The following MYO9A variants were observed in gnomAD, a reference collection of about 807,000 sequenced individuals.
MYO9A encodes the protein unconventional myosin-IXa.
MYO9A carries 103 observed loss-of-function variants against 293.3 expected under a neutral mutation model. The observed-to-expected ratio is 0.35, with a 90% CI of 0.30 to 0.41. The LOEUF is 0.41. MYO9A is among the 10% of genes least tolerant of loss of function. The pLI is 1.00. For synonymous variants in MYO9A, 1,001 were observed against 1,035.7 expected (o/e 0.97, Z 0.64); for missense variants, 2,685 against 3,033.0 (o/e 0.89, Z 2.69).
intron 33 of MYO9A, among the ~76,000 whole-genome samples, chr15:71,861,128 C>T (rs1355403590): frequency 6.6e-6 from 1 of 151,888 alleles, no homozygotes; most frequent in African/African-American, 2.4e-5. Context: ...TTCCTATTTT[C>T]AGACTCATTA....
intron 1 of MYO9A, among the ~76,000 whole-genome samples, chr15:72,056,275 A>C (rs2078716093): frequency 6.6e-6 from 1 of 152,206 alleles, no homozygotes; most frequent in African/African-American, 2.4e-5. Flanking sequence ...TATACAAAAA[A>C]AGATACTCCC....
At position 71,824,027 on chromosome 15, in the gene MYO9A, G is replaced by C. The variant is rs1217256550; in HGVS notation, c.*2553C>G. ...TTTAAGAGTTATGGCTTCATCTCTT[G>C]ATCAGGCCAACAAGGCCTACTACCC... On this transcript the variant is annotated 3_prime_UTR_variant, in exon 42 of 42. Coordinates refer to ENST00000356056, the MANE Select transcript of MYO9A (RefSeq NM_006901.4). 2.6e-5 allele frequency: 4 copies of C among 152,178 alleles called. No individual in the cohort carries two copies. The highest frequency in any genetic ancestry group is 1.3e-4 in the Admixed American group (2 of 15,278). The allele number at this position is 152,178 out of a possible 1,614,324, so 9.4% of individuals were successfully genotyped here.
chr15:71,883,853 A>G, intron 27 of MYO9A, 117 bp from the exon 28 acceptor site: 1 of 918,980 alleles, frequency 1.1e-6, no homozygotes, highest in Non-Finnish European at 1.5e-6. Context: ...TAAGCTTCAC[A>G]TTTAAATTAA....
In MYO9A at chr15:71,849,939, A is replaced by ATTTATGAACCCATTCACTAT. The variant is rs71281963; in HGVS notation, c.6713+77_6713+96dup. The ATTTATGAACCCATTCACTAT allele has an allele frequency of 0.2, 270,806 of 1,374,650 alleles. 30,435 individuals carry two copies. The highest frequency in any genetic ancestry group is 0.38 in the East Asian group (16,049 of 42,500). 85.2% of individuals were successfully genotyped at this position (1,374,650 alleles called of 1,614,324 possible). ...CAACAATCTTCTTAAAAACACCTGAATTTATGAACCCATTCACTATGTTTG... is the reference window on the plus strand; with the variant it reads ...CAACAATCTTCTTAAAAACACCTGAATTTATGAACCCATTCACTATTTTATGAACCCATTCACTATGTTTG... On this transcript the variant is annotated intron_variant, in intron 38 of 41. Transcript: ENST00000356056.
chr15:71,891,523 G>A (rs533404603), intron 26 of MYO9A: 13 of 152,192 alleles, frequency 8.5e-5, no homozygotes, highest in African/African-American at 1.2e-4. Flanking sequence ...ACATAATTTC[G>A]TATTTAACTG....
chr15:71,932,375 T>C (rs1490902134), intron 18 of MYO9A, among the ~76,000 whole-genome samples: 1 of 152,058 alleles, frequency 6.6e-6, no homozygotes, highest in Non-Finnish European at 1.5e-5. Context: ...AAGGCGGCTA[T>C]CCCTTGGGAG....
intron 15 of MYO9A, 104 bp from the exon 16 acceptor site, chr15:71,939,031 C>T (rs1409884238): frequency 3.9e-6 from 3 of 765,162 alleles, no homozygotes; most frequent in South Asian, 3.9e-5. Flanking sequence ...CGAGTATTTG[C>T]TAAATATTTC....
chr15:72,007,328 G>A (rs1566943663), intron 8 of MYO9A, among the ~76,000 whole-genome samples: 1 of 151,684 alleles, frequency 6.6e-6, no homozygotes, highest in Admixed American at 6.6e-5. Context: ...GGTAATAAAG[G>A]CCCTTGATGT....
chr15:71,980,049 T>C (rs1385133581), intron 11 of MYO9A, among the ~76,000 whole-genome samples: 1 of 152,100 alleles, frequency 6.6e-6, no homozygotes, highest in Non-Finnish European at 1.5e-5. Flanking sequence ...GGATCTCTCT[T>C]TGTTGCCCAG....
At chr15:72,106,832 A>C (rs2080586214) in intron 1 of MYO9A, among the ~76,000 whole-genome samples, 1 of 152,214 alleles carries the variant, frequency 6.6e-6, no homozygotes, top group Non-Finnish European at 1.5e-5. Flanking sequence ...TGCATATTAA[A>C]CTGGTAACAA....
chr15:71,953,523 G>A (rs952357924), intron 14 of MYO9A: 1 of 152,176 alleles, frequency 6.6e-6, no homozygotes, highest in Non-Finnish European at 1.5e-5. Flanking sequence ...TTATTATGTA[G>A]AGTTTTAAAA....
chr15:71,957,133 T>C (rs1296655781), intron 14 of MYO9A, among the ~76,000 whole-genome samples: 1 of 152,168 alleles, frequency 6.6e-6, no homozygotes, highest in Non-Finnish European at 1.5e-5. Flanking sequence ...CAAATACAAT[T>C]CTATATTTAA....
At position 71,878,198 on chromosome 15, in the gene MYO9A, G is replaced by A. The variant is rs778993736; in HGVS notation, c.5773C>T (p.Leu1925Phe). 3.7e-6 allele frequency: 6 copies of A among 1,600,064 alleles called. No homozygotes were observed. The highest frequency in any genetic ancestry group is 5.1e-6 in the Non-Finnish European group (6 of 1,175,564). Residue 1925 changes from leucine to phenylalanine, a missense_variant, in exon 31 of 42, where the codon CTC (leucine) becomes TTC (phenylalanine). This residue lies in a region of MYO9A where 1,434 missense variants were observed against 1,497.7 expected (regional missense o/e 0.96). Transcript: ENST00000356056. ...AGAATCTGTTCAAATAGTGCATAGAGGTCTTTATACCGTATGCTTTTCCCA... is the reference window on the plus strand; with the variant it reads ...AGAATCTGTTCAAATAGTGCATAGAAGTCTTTATACCGTATGCTTTTCCCA... ...DDGKSIRYKD[L>F]YALFEQILEK...
chr15:71,881,206 A>C (rs1223015596), intron 28 of MYO9A, among the ~76,000 whole-genome samples: 1 of 151,922 alleles, frequency 6.6e-6, no homozygotes. Flanking sequence ...TTTCTCTACA[A>C]ATGTTTACAA....
In MYO9A at chr15:72,041,262, C is replaced by T. The variant is rs376401691; in HGVS notation, c.840+4462G>A. On this transcript the variant is annotated intron_variant, in intron 2 of 41. Transcript: ENST00000356056. Reference sequence around the variant, plus strand: ...CATGACAGACACCTGTACATCTTCACCTGCGTTGTATTTTCCTTGTATTTA... The same window carrying T: ...CATGACAGACACCTGTACATCTTCATCTGCGTTGTATTTTCCTTGTATTTA... 6.6e-4 allele frequency: 797 copies of T among 1,206,948 alleles called. 10 individuals carry two copies. The South Asian group carries it at 9.2e-3, about 14-fold the overall frequency. The allele number at this position is 1,206,948 out of a possible 1,614,324, so 74.8% of individuals were successfully genotyped here.
chr15:71,852,357 T>C lies in MYO9A; in HGVS notation c.6347-97A>G, dbSNP rs879100240. The C allele has an allele frequency of 1.7e-5, 20 of 1,175,476 alleles. No homozygotes were observed. In the East Asian group the frequency reaches 2.3e-4, roughly 13 times the overall value. The allele number at this position is 1,175,476 out of a possible 1,614,324, so 72.8% of individuals were successfully genotyped here. A position where few individuals can be genotyped will look rare whatever the true frequency, so the allele number is the denominator to read the frequency against. ...CTATCATCATTAAAGGAAGGCTTCA[T>C]GTTTCTTTTTTTTTTTTTTTTTTGA... is the stretch of plus-strand genomic sequence containing the variant. On this transcript the variant is annotated intron_variant, in intron 35 of 41. Coordinates refer to ENST00000356056, the MANE Select transcript of MYO9A (RefSeq NM_006901.4).
intron 26 of MYO9A, chr15:71,889,388 C>A (rs908352652): frequency 6.6e-6 from 1 of 151,146 alleles, no homozygotes; most frequent in Non-Finnish European, 1.5e-5. Context: ...GAGGATCTCA[C>A]CTCAATAGTC....
intron 1 of MYO9A, among the ~76,000 whole-genome samples, chr15:72,086,281 G>A (rs2150490147): frequency 6.6e-6 from 1 of 152,328 alleles, no homozygotes; most frequent in East Asian, 1.9e-4. Flanking sequence ...TGGTGGTGGT[G>A]TTAGCCGGGT....
At chr15:71,866,838 C>G (rs1485519623) in intron 32 of MYO9A, among the ~76,000 whole-genome samples, 1 of 152,082 alleles carries the variant, frequency 6.6e-6, no homozygotes. Flanking sequence ...GCGGGTGGAT[C>G]ACAAAGTCAG....
Sources: gnomAD v4.1 joint callset for allele counts (sites outside exome capture counted in the v4.1 genomes callset) on GRCh38, gnomAD v4.1.1 for gene constraint, gnomAD v4.1.1 regional missense constraint, MANE v1.5 for transcripts, NCBI Gene and HGNC (gene_info 2026-07-23, HGNC 2026-07-21) for gene names.